The following MEP1A variants were observed in gnomAD, a reference collection of about 807,000 sequenced individuals.
MEP1A encodes N-benzoyl-L-tyrosyl-P-amino-benzoic acid hydrolase subunit alpha.
MEP1A carries 68 observed loss-of-function variants against 84.5 expected under a neutral mutation model. That is an observed-to-expected ratio of 0.80 (90% CI 0.66 to 0.98). The LOEUF (loss-of-function observed/expected upper bound fraction) is 0.98. Ranked by LOEUF, MEP1A falls within the 50% of genes least tolerant of loss-of-function variation. The probability of loss-of-function intolerance (pLI) is 0.00; values close to 1 mark genes in which losing one functional copy is unlikely to be tolerated. For missense variants in MEP1A, 887 were observed against 919.9 expected, an observed-to-expected ratio of 0.96 and a Z score of 0.46; for synonymous variants, 337 against 336.8, an observed-to-expected ratio of 1.00 and a Z score of -0.01.
At chr6:46,844,655 G>A (rs1768384248), downstream of MEP1A, among the ~76,000 whole-genome samples, 1 of 152,192 alleles carries the variant, frequency 6.6e-6, no homozygotes, top group Non-Finnish European at 1.5e-5. Context: ...GGAGGCAGAG[G>A]AGATGTTCAG....
At chr6:46,800,687 C>T (rs1767181064) in intron 5 of MEP1A, among the ~76,000 whole-genome samples, 1 of 152,154 alleles carries the variant, frequency 6.6e-6, no homozygotes, top group Non-Finnish European at 1.5e-5. Flanking sequence ...TTGTTTTATT[C>T]AAGTTAAATT....
In MEP1A at chr6:46,819,554, C is replaced by T; in HGVS notation, c.406C>T (p.His136Tyr). Residue 136 changes from histidine to tyrosine, a missense_variant, in exon 7 of 14, where the codon CAT (histidine) becomes TAT (tyrosine). Coordinates refer to ENST00000230588, the MANE Select transcript of MEP1A (RefSeq NM_005588.3). The stretch of plus-strand genomic sequence containing the variant: ...GTGCTGGTCTGAGGTTGGTGACCAA[C>T]ATGTGGGACAGAACATTTCCATTGG... ...DGCWSEVGDQ[H>Y]VGQNISIGQG... is the part of the protein sequence containing the mutation. 6.2e-7 allele frequency: 1 copy of T among 1,612,826 alleles called. No individual in the cohort carries two copies. Among genetic ancestry groups the T allele is most frequent in the Non-Finnish European group, 8.5e-7 (1 of 1,179,330 alleles).
In MEP1A at chr6:46,833,194, A is replaced by G; in HGVS notation, c.1265A>G (p.Asp422Gly). ...PQNSTGGIYL[D>G]DITLTETPCP... The stretch of plus-strand genomic sequence containing the variant: ...AACTCAACTGGGGGAATTTACCTAG[A>G]TGACATCACTCTGACAGAAACCCCC... Residue 422 changes from aspartate (D) to glycine (G), a missense_variant, in exon 11 of 14, where the codon GAT (aspartate) becomes GGT (glycine). Coordinates refer to ENST00000230588, the MANE Select transcript of MEP1A (RefSeq NM_005588.3). 6.2e-7 allele frequency: 1 copy of G among 1,611,556 alleles called. No individual in the cohort carries two copies. Among genetic ancestry groups the G allele is most frequent in the Non-Finnish European group, 8.5e-7 (1 of 1,178,900 alleles).
At chr6:46,825,068 A>G (rs1455698088) in intron 7 of MEP1A, among the ~76,000 whole-genome samples, 1 of 83,482 alleles carries the variant, frequency 1.2e-5, no homozygotes, top group Non-Finnish European at 2.9e-5. Context: ...GTATTTAAAT[A>G]AATCTATTTA....
chr6:46,812,046 G>T (rs967986967), intron 6 of MEP1A, among the ~76,000 whole-genome samples: 7 of 152,016 alleles, frequency 4.6e-5, no homozygotes, highest in African/African-American at 4.8e-5. Flanking sequence ...ACTAGGATTG[G>T]TACCAATTCT....
chr6:46,825,545 C>A, intron 8 of MEP1A, 52 bp downstream of exon 8: 1 of 1,237,966 alleles, frequency 8.1e-7, no homozygotes. Context: ...GCAGAGATTC[C>A]ATCAGCCTTA....
chr6:46,808,026 T>C (rs927436101), intron 5 of MEP1A, among the ~76,000 whole-genome samples: 2 of 152,122 alleles, frequency 1.3e-5, no homozygotes, highest in South Asian at 4.1e-4. Context: ...TATTTAGGTA[T>C]GGAGAAGGAA....
intron 12 of MEP1A, 111 bp downstream of exon 12, chr6:46,834,862 T>C: frequency 1.3e-6 from 1 of 770,526 alleles, no homozygotes; most frequent in African/African-American, 1.7e-5. Context: ...TAAAACAATG[T>C]GTTGTAGGAG....
intron 3 of MEP1A, among the ~76,000 whole-genome samples, chr6:46,796,166 C>T (rs1767047978): frequency 2.0e-5 from 3 of 152,156 alleles, no homozygotes; most frequent in African/African-American, 7.2e-5. Flanking sequence ...ATTCTCAGGC[C>T]TCACCCCAGA....
chr6:46,844,772 T>C (rs1366053745), downstream of MEP1A, among the ~76,000 whole-genome samples: 1 of 152,210 alleles, frequency 6.6e-6, no homozygotes. Flanking sequence ...CTAGTTTACA[T>C]TCTCCTGCTT....
At chr6:46,842,639 C>A (rs144452923), downstream of MEP1A, among the ~76,000 whole-genome samples, 1 of 152,098 alleles carries the variant, frequency 6.6e-6, no homozygotes, top group Admixed American at 6.6e-5. Flanking sequence ...GACATAGACC[C>A]TCATCAGTAA....
At chr6:46,844,197 T>C (rs1384987539), downstream of MEP1A, among the ~76,000 whole-genome samples, 1 of 152,194 alleles carries the variant, frequency 6.6e-6, no homozygotes, top group African/African-American at 2.4e-5. Flanking sequence ...TAGCTGTGAG[T>C]GTCATTTAGC....
chr6:46,814,846 C>T (rs1767596357), intron 6 of MEP1A, among the ~76,000 whole-genome samples: 1 of 148,418 alleles, frequency 6.7e-6, no homozygotes, highest in Admixed American at 6.9e-5. Context: ...AGCAGAGCTA[C>T]TGGGCTCTGG....
chr6:46,798,000 C>A lies in MEP1A; in HGVS notation c.146-606C>A, dbSNP rs149963057. ...TCTTTTTTTGTGAGACAGAGTCTGG[C>A]TCTGTCACCCAGGCTGGAGTGCAGT... On this transcript the variant is annotated intron_variant, in intron 3 of 13. Coordinates refer to ENST00000230588, the MANE Select transcript of MEP1A (RefSeq NM_005588.3). Among the ~76,000 whole-genome samples, 4 of 150,012 alleles carry A rather than the reference C, an allele frequency of 2.7e-5. No individual in the cohort carries two copies. The East Asian group carries it at 7.9e-4, about 30-fold the overall frequency.
At chr6:46,842,572 T>C (rs141475318), downstream of MEP1A, among the ~76,000 whole-genome samples, 3 of 152,324 alleles carry the variant, frequency 2.0e-5, no homozygotes, top group African/African-American at 7.2e-5. Context: ...ACTGGTTCTC[T>C]GCTCTCAAAC....
chr6:46,812,367 T>C (rs1208804306), intron 6 of MEP1A, among the ~76,000 whole-genome samples: 1 of 152,092 alleles, frequency 6.6e-6, no homozygotes, highest in Non-Finnish European at 1.5e-5. Flanking sequence ...TGTCTTCTTT[T>C]CTTGGTTAAT....
intron 9 of MEP1A, among the ~76,000 whole-genome samples, chr6:46,828,337 TG>T (rs1374285610): frequency 6.6e-6 from 1 of 152,126 alleles, no homozygotes; most frequent in Non-Finnish European, 1.5e-5. Flanking sequence ...GAATATAATT[TG>T]CCCTGATTTA....
chr6:46,794,044 A>G (rs1766995717), intron 3 of MEP1A, among the ~76,000 whole-genome samples: 2 of 152,244 alleles, frequency 1.3e-5, no homozygotes, highest in African/African-American at 4.8e-5. Context: ...AGAAAAATAT[A>G]AGAATAAGCC....
At chr6:46,841,675 C>T (rs1413841474), downstream of MEP1A, among the ~76,000 whole-genome samples, 1 of 152,156 alleles carries the variant, frequency 6.6e-6, no homozygotes, top group Non-Finnish European at 1.5e-5. Context: ...CTTCCCCCAC[C>T]ATATCCTCGA....
Sources: gnomAD v4.1 joint callset for allele counts (sites outside exome capture counted in the v4.1 genomes callset) on GRCh38, gnomAD v4.1.1 for gene constraint, MANE v1.5 for transcripts, NCBI Gene and HGNC (gene_info 2026-07-23, HGNC 2026-07-21) for gene names.